RANBP17: variants seen among roughly 807,000 people sequenced by gnomAD.
RANBP17 encodes ran-binding protein 17.
RANBP17 carries 158 observed loss-of-function variants against 141.2 expected under a neutral mutation model. The ratio of observed to expected loss-of-function variants is 1.12; its 90% confidence interval spans 0.98 to 1.28. RANBP17 has a LOEUF of 1.28. RANBP17 is among the 50% of genes most tolerant of loss of function. The pLI is 0.00. For synonymous variants in RANBP17, 430 were observed against 450.0 expected (o/e 0.96, Z 0.56); for missense variants, 1,438 against 1,290.7 (o/e 1.11, Z -1.75).
chr5:170,919,063 T>A (rs1772216519), intron 10 of RANBP17, among the ~76,000 whole-genome samples: 1 of 152,016 alleles, frequency 6.6e-6, no homozygotes, highest in South Asian at 2.1e-4. Context: ...AATTGAATAA[T>A]GGCTTGAGAA....
chr5:171,112,744 A>AC (rs1430048647), intron 14 of RANBP17, among the ~76,000 whole-genome samples: 4 of 151,818 alleles, frequency 2.6e-5, no homozygotes, highest in Non-Finnish European at 4.4e-5. Flanking sequence ...GTATAATCTT[A>AC]CTTTCCTTTT....
chr5:170,918,133 TTTTGCTCAACTTTAGTTA>T (rs1462517965), intron 9 of RANBP17: 1 of 152,096 alleles, frequency 6.6e-6, no homozygotes, highest in African/African-American at 2.4e-5. Context: ...TGAATTTTGT[TTTTGCTCAACTTTAGTTA>T]TTTGCTCAAC....
intron 12 of RANBP17, among the ~76,000 whole-genome samples, chr5:170,937,535 T>C (rs1773979503): frequency 6.6e-6 from 1 of 152,244 alleles, no homozygotes; most frequent in African/African-American, 2.4e-5. Flanking sequence ...ACCAGCTCAG[T>C]AGTACATTTG....
chr5:171,003,477 T>C (rs899925565), intron 14 of RANBP17, among the ~76,000 whole-genome samples: 2 of 152,188 alleles, frequency 1.3e-5, no homozygotes, highest in South Asian at 2.1e-4. Context: ...GAGAGATCAG[T>C]CAGACACTAT....
chr5:171,101,421 C>A (rs921131577), intron 14 of RANBP17, among the ~76,000 whole-genome samples: 1 of 152,118 alleles, frequency 6.6e-6, no homozygotes, highest in Non-Finnish European at 1.5e-5. Flanking sequence ...GATTGCAACC[C>A]CTGCTCTTTT....
chr5:170,978,003 G>A (rs1447211180), intron 14 of RANBP17, among the ~76,000 whole-genome samples: 1 of 152,032 alleles, frequency 6.6e-6, no homozygotes, highest in Non-Finnish European at 1.5e-5. Context: ...ATGTCAACTT[G>A]TTACCAAAAA....
chr5:171,129,488 C>G (rs1462379301), intron 14 of RANBP17, among the ~76,000 whole-genome samples: 1 of 152,148 alleles, frequency 6.6e-6, no homozygotes, highest in Non-Finnish European at 1.5e-5. Flanking sequence ...CAATCTGGCA[C>G]TGTAGTCAAG....
chr5:171,164,541 C>T (rs1471477237), intron 14 of RANBP17, among the ~76,000 whole-genome samples: 1 of 152,078 alleles, frequency 6.6e-6, no homozygotes, highest in Non-Finnish European at 1.5e-5. Context: ...TGTATTGGCT[C>T]ATTGAAGCAT....
At chr5:171,065,104 T>G (rs1028211187) in intron 14 of RANBP17, among the ~76,000 whole-genome samples, 2 of 152,222 alleles carry the variant, frequency 1.3e-5, no homozygotes, top group African/African-American at 4.8e-5. Flanking sequence ...TGATTATTTC[T>G]TTTGGTGCAT....
At chr5:171,009,920 A>G (rs1255550773) in intron 14 of RANBP17, among the ~76,000 whole-genome samples, 2 of 152,194 alleles carry the variant, frequency 1.3e-5, no homozygotes, top group East Asian at 1.9e-4. Context: ...GTTGAGGTCT[A>G]CATTTATCTG....
chr5:170,974,186 G>C (rs997807569), intron 14 of RANBP17, among the ~76,000 whole-genome samples: 4 of 152,160 alleles, frequency 2.6e-5, no homozygotes, highest in Non-Finnish European at 4.4e-5. Context: ...AGACTCCACA[G>C]TGATTCATTC....
chr5:171,220,053 G>A (rs546255680), intron 21 of RANBP17, among the ~76,000 whole-genome samples: 2 of 152,158 alleles, frequency 1.3e-5, no homozygotes, highest in South Asian at 4.1e-4. Flanking sequence ...AATCTTTGAG[G>A]CTGATGACCT....
chr5:171,014,224 A>T (rs1339299211), intron 14 of RANBP17, among the ~76,000 whole-genome samples: 1 of 151,826 alleles, frequency 6.6e-6, no homozygotes, highest in Admixed American at 6.6e-5. Flanking sequence ...CTTTATATAA[A>T]TAGGGTGGTA....
In RANBP17 at chr5:171,210,763, T is replaced by A. The variant is rs367771538; in HGVS notation, c.2232-2868T>A. Among the ~76,000 whole-genome samples the A allele has an allele frequency of 1.3e-3, 195 of 152,184 alleles. 9 individuals are homozygous for A. In the South Asian group the frequency reaches 0.039, roughly 31 times the overall value. On this transcript the variant is annotated intron_variant, in intron 20 of 27. Coordinates refer to ENST00000523189, the MANE Select transcript of RANBP17 (RefSeq NM_022897.5). ...GGCTCATGCTTGTAATCCCAGCACTTTGGGAGGCCAAGGTGGGTGGATCAT... is the reference window on the plus strand; with the variant it reads ...GGCTCATGCTTGTAATCCCAGCACTATGGGAGGCCAAGGTGGGTGGATCAT...
chr5:170,894,498 A>ATATATATATG (rs1472582368), intron 4 of RANBP17, among the ~76,000 whole-genome samples: 1 of 147,126 alleles, frequency 6.8e-6, no homozygotes, highest in Non-Finnish European at 1.5e-5. Context: ...ATATATATAT[A>ATATATATATG]TATATATATG....
chr5:171,044,179 G>C (rs528039636), intron 14 of RANBP17, among the ~76,000 whole-genome samples: 1 of 152,084 alleles, frequency 6.6e-6, no homozygotes, highest in South Asian at 2.1e-4. Flanking sequence ...GTGCCTATGA[G>C]TATTAATATA....
intron 15 of RANBP17, among the ~76,000 whole-genome samples, chr5:171,170,917 G>A (rs2127883414): frequency 6.6e-6 from 1 of 152,168 alleles, no homozygotes; most frequent in East Asian, 1.9e-4. Context: ...TCCCTAATAT[G>A]TTTTGGGTAC....
At chr5:171,192,157 A>G (rs536068564) in intron 18 of RANBP17, among the ~76,000 whole-genome samples, 1 of 152,204 alleles carries the variant, frequency 6.6e-6, no homozygotes, top group Non-Finnish European at 1.5e-5. Context: ...TAGCTGATAG[A>G]TAGGAAGAAT....
intron 25 of RANBP17, among the ~76,000 whole-genome samples, chr5:171,279,227 A>G (rs1561824940): frequency 6.6e-6 from 1 of 152,216 alleles, no homozygotes; most frequent in African/African-American, 2.4e-5. Flanking sequence ...TTCCTCCTGC[A>G]TACTTCAGGC....
Sources: allele counts gnomAD v4.1 joint callset (sites outside exome capture counted in the v4.1 genomes callset), GRCh38; gene constraint gnomAD v4.1.1; transcripts MANE v1.5; gene names NCBI Gene and HGNC (gene_info 2026-07-23, HGNC 2026-07-21).